RAB6A: variants seen among roughly 807,000 people sequenced by gnomAD.
RAB6A encodes the protein ras-related protein Rab-6A.
RAB6A carries 8 observed loss-of-function variants against 32.3 expected under a neutral mutation model. The observed-to-expected ratio is 0.25, with a 90% confidence interval of 0.15 to 0.45. The LOEUF is 0.45. RAB6A is among the 20% of genes least tolerant of loss of function. The pLI is 1.00. For missense variants in RAB6A, 104 were observed against 249.4 expected (o/e 0.42, Z 3.93); for synonymous variants, 73 against 82.1 (o/e 0.89, Z 0.60).
intron 2 of RAB6A, among the ~76,000 whole-genome samples, chr11:73,728,285 AT>A (rs1946252331): frequency 2.6e-5 from 4 of 152,254 alleles, no homozygotes; most frequent in Non-Finnish European, 5.9e-5. Context: ...AAGATGTGGC[AT>A]TTTTATGGAT....
At chr11:73,709,529 TAC>T (rs1945907574) in intron 5 of RAB6A, among the ~76,000 whole-genome samples, 2 of 149,392 alleles carry the variant, frequency 1.3e-5, no homozygotes, top group African/African-American at 4.9e-5. Flanking sequence ...CAAGTTTTCC[TAC>T]AGTTTGACCA....
intron 6 of RAB6A, among the ~76,000 whole-genome samples, chr11:73,681,594 C>A (rs781548561): frequency 2.0e-5 from 3 of 152,120 alleles, no homozygotes; most frequent in Admixed American, 2.0e-4. Flanking sequence ...AGGCAGATTA[C>A]GAGGTCGAGT....
chr11:73,697,016 G>A (rs944836835), intron 6 of RAB6A, among the ~76,000 whole-genome samples: 17 of 152,066 alleles, frequency 1.1e-4, no homozygotes, highest in African/African-American at 3.9e-4. Context: ...TGGTCTTAAG[G>A]CCTCTGTTCT....
rs891656563 is a variant in RAB6A at position 73,693,556 on chromosome 11, CTTTT to C, written c.496-13840_496-13837del. Among the ~76,000 whole-genome samples the C allele has an allele frequency of 3.4e-5, 4 of 119,034 alleles. No homozygotes were observed. The East Asian group carries it at 7.8e-4, about 23-fold the overall frequency. The allele number at this position is 119,034 out of a possible 152,430, so 78.1% of individuals were successfully genotyped here. A position where few individuals can be genotyped will look rare whatever the true frequency, so the allele number is the denominator to read the frequency against. On this transcript the variant is annotated intron_variant, in intron 6 of 7. Transcript: ENST00000336083. The stretch of plus-strand genomic sequence containing the variant: ...CCTGGGCAACATAGCAAGACTCCAT[CTTTT>C]TTTTTTTTTTTTTTTTTTAAAGAAG...
chr11:73,680,688 C>T (rs1187254004), intron 6 of RAB6A, among the ~76,000 whole-genome samples: 2 of 152,128 alleles, frequency 1.3e-5, no homozygotes, highest in African/African-American at 4.8e-5. Context: ...GTTCTGAAGT[C>T]AGTGTATAAT....
chr11:73,722,900 G>T (rs1326068557), intron 2 of RAB6A, among the ~76,000 whole-genome samples: 1 of 151,710 alleles, frequency 6.6e-6, no homozygotes, highest in Admixed American at 6.6e-5. Flanking sequence ...TCTGCCTCCT[G>T]GGTTCAAGCA....
intron 6 of RAB6A, among the ~76,000 whole-genome samples, chr11:73,701,148 C>T (rs1401682336): frequency 6.6e-6 from 1 of 152,136 alleles, no homozygotes; most frequent in Admixed American, 6.6e-5. Flanking sequence ...TAGGAAACAA[C>T]TCTGTATATG....
chr11:73,723,549 G>C (rs1369014448), intron 2 of RAB6A, among the ~76,000 whole-genome samples: 1 of 151,812 alleles, frequency 6.6e-6, no homozygotes, highest in Non-Finnish European at 1.5e-5. Flanking sequence ...GGCTGGTCTC[G>C]AACTCCTGAC....
chr11:73,691,407 A>G (rs112485185), intron 6 of RAB6A, among the ~76,000 whole-genome samples: 250 of 152,316 alleles, frequency 1.6e-3, no homozygotes, highest in Middle Eastern at 6.8e-3. Flanking sequence ...CTGGCCTCCC[A>G]AAGTGTTGGG....
rs1555066942 is a variant in RAB6A, at chr11:73,739,284, A to ATATATATAT, written c.71-8462_71-8461insATATATATA. Reference sequence around the variant, plus strand: ...TAATTAAAAAAAAAAAAAAAAAAAAAATATATATATATATATATATAAATA... The same window carrying ATATATATAT: ...TAATTAAAAAAAAAAAAAAAAAAAAATATATATATATATATATATATATATATATAAATA... On this transcript the variant is annotated intron_variant, in intron 1 of 7. Coordinates refer to ENST00000336083, the MANE Select transcript of RAB6A (RefSeq NM_198896.2). 5.2e-3 allele frequency among the ~76,000 whole-genome samples: 35 copies of ATATATATAT among 6,738 alleles called. 1 individual carries two copies. Among genetic ancestry groups the ATATATATAT allele is most frequent in the Admixed American group, 0.01 (3 of 288 alleles). 4.4% of individuals were successfully genotyped at this position (6,738 alleles called of 152,430 possible).
intron 7 of RAB6A, among the ~76,000 whole-genome samples, chr11:73,679,049 A>T (rs1052898973): frequency 6.6e-6 from 1 of 152,140 alleles, no homozygotes; most frequent in Non-Finnish European, 1.5e-5. Flanking sequence ...TTATGAAAAC[A>T]TATAACATTT....
intron 2 of RAB6A, among the ~76,000 whole-genome samples, chr11:73,727,603 A>G (rs1254601974): frequency 1.3e-5 from 2 of 152,194 alleles, no homozygotes; most frequent in African/African-American, 4.8e-5. Context: ...AGGTGCTTCC[A>G]ACTCTAAGGC....
intron 7 of RAB6A, 113 bp downstream of exon 7, chr11:73,679,541 G>A: frequency 4.5e-6 from 6 of 1,320,390 alleles, no homozygotes; most frequent in Non-Finnish European, 6.5e-6. Flanking sequence ...ATGCCTTTAA[G>A]TCATCAGTTC....
chr11:73,736,103 T>G (rs1402928837), intron 1 of RAB6A, among the ~76,000 whole-genome samples: 2 of 151,718 alleles, frequency 1.3e-5, no homozygotes, highest in African/African-American at 4.8e-5. Flanking sequence ...ACGATACAGG[T>G]GGAAAGTGCT....
At chr11:73,743,322 G>T (rs202043829) in intron 1 of RAB6A, among the ~76,000 whole-genome samples, 1 of 140,102 alleles carries the variant, frequency 7.1e-6, no homozygotes, top group South Asian at 2.4e-4. Flanking sequence ...AAAAAAAAAA[G>T]AGAAAAAAGA....
At chr11:73,749,720 G>C (rs1345720983) in intron 1 of RAB6A, among the ~76,000 whole-genome samples, 1 of 152,170 alleles carries the variant, frequency 6.6e-6, no homozygotes, top group Non-Finnish European at 1.5e-5. Flanking sequence ...AAATTAGCCA[G>C]GTGTGGTGGT....
intron 1 of RAB6A, among the ~76,000 whole-genome samples, chr11:73,749,115 ACT>A (rs1183688195): frequency 6.6e-6 from 1 of 151,706 alleles, no homozygotes; most frequent in Non-Finnish European, 1.5e-5. Flanking sequence ...ACAGACAAAG[ACT>A]CTATCTTAAA....
chr11:73,703,655 T>C (rs995073654), intron 6 of RAB6A, among the ~76,000 whole-genome samples: 2 of 152,166 alleles, frequency 1.3e-5, no homozygotes, highest in Non-Finnish European at 2.9e-5. Context: ...GGCATGAGAA[T>C]CACTTGAACC....
intron 5 of RAB6A, among the ~76,000 whole-genome samples, chr11:73,712,403 T>G (rs1372491427): frequency 3.3e-5 from 5 of 151,580 alleles, no homozygotes; most frequent in Non-Finnish European, 7.4e-5. Flanking sequence ...CAGGCTGGAG[T>G]GCAGTGGCAC....
Sources: gnomAD v4.1 joint callset for allele counts (sites outside exome capture counted in the v4.1 genomes callset) on GRCh38, gnomAD v4.1.1 for gene constraint, MANE v1.5 for transcripts, NCBI Gene and HGNC (gene_info 2026-07-23, HGNC 2026-07-21) for gene names.